CDCA7: variants seen among roughly 807,000 people sequenced by gnomAD.
CDCA7 encodes cell division cycle associated 7, also known as cell division cycle-associated protein 7.
A neutral mutation model predicts 54.0 loss-of-function variants in CDCA7; 28 were observed. The observed-to-expected ratio is 0.52, with a 90% confidence interval of 0.38 to 0.71. CDCA7 has a LOEUF of 0.71. Among genes scored for constraint, CDCA7 ranks in the 30% least tolerant of loss-of-function variants. CDCA7 has a pLI of 0.00. For missense variants in CDCA7, 484 were observed against 586.0 expected, an observed-to-expected ratio of 0.83 and a Z score of 1.80; for synonymous variants, 180 against 208.2, an observed-to-expected ratio of 0.86 and a Z score of 1.16.
In CDCA7 at chr2:173,364,875, C is replaced by T. The variant is rs762550271; in HGVS notation, c.780C>T (p.Thr260=). 2 of 1,610,668 alleles carry T rather than the reference C, an allele frequency of 1.2e-6. No individual in the cohort carries two copies. The highest frequency in any genetic ancestry group is 1.3e-5 in the African/African-American group (1 of 74,684). ...RNPERRARPL[T]RSRSRILGSL... ...CTGAACGGAGAGCTCGTCCTCTTACCAGGTCAAGGTCCCGGATCCTCGGGT... is the reference window on the plus strand; with the variant it reads ...CTGAACGGAGAGCTCGTCCTCTTACTAGGTCAAGGTCCCGGATCCTCGGGT... Residue 260 remains threonine (T), a synonymous_variant, in exon 6 of 10, where the codon ACC becomes ACT. Transcript: ENST00000306721.
intron 9 of CDCA7, 118 bp from the exon 10 acceptor site, chr2:173,367,516 C>G: frequency 1.5e-6 from 2 of 1,374,148 alleles, no homozygotes; most frequent in East Asian, 2.3e-5. Context: ...GATGCGCACA[C>G]TTGACCATAG....
chr2:173,366,549 T>TG lies in CDCA7; in HGVS notation c.1185+117_1185+118insG. The TG allele has an allele frequency of 8.4e-7, 1 of 1,197,280 alleles. No homozygotes were observed. Among genetic ancestry groups the TG allele is most frequent in the Non-Finnish European group, 1.1e-6 (1 of 878,924 alleles). 74.2% of individuals were successfully genotyped at this position (1,197,280 alleles called of 1,614,324 possible). On this transcript the variant is annotated intron_variant, in intron 8 of 9. Coordinates refer to ENST00000306721, the MANE Select transcript of CDCA7 (RefSeq NM_031942.5). This position sits in a 1 kb window ranked among gnomAD's most constrained non-coding sequence, Gnocchi z 4.5. The stretch of plus-strand genomic sequence containing the variant: ...CCCTTTCTGTTATGGGGTGCTCTTC[T>TG]TTTTTTTTAAGATGGAGTCTCATTC...
Position 173,367,831 on chromosome 2 carries a change from G to A in CDCA7, c.*167G>A. 1.3e-6 allele frequency: 1 copy of A among 746,842 alleles called. No individual in the cohort carries two copies. The allele number at this position is 746,842 out of a possible 1,614,324, so 46.3% of individuals were successfully genotyped here. A position where few individuals can be genotyped will look rare whatever the true frequency, so the allele number is the denominator to read the frequency against. ...CATGTGTTTCTGGAGCATCACAGAA[G>A]GTATATTGCTAGTTACACTTTGCCC... On this transcript the variant is annotated 3_prime_UTR_variant, in exon 10 of 10. Transcript: ENST00000306721.
Position 173,359,394 on chromosome 2 carries a change from G to A in CDCA7, c.287G>A (p.Arg96Lys), listed in dbSNP as rs1368935866. ...LDHCGFLQKP[R>K]PDVTNELAGI... ...CATTGTGGATTTTTACAGAAACCAA[G>A]GCCAGATGTCACTAACGAACTGGCC... The change falls in exon 3 of 10, where the codon AGG becomes AAG. Residue 96 changes from arginine to lysine, a missense_variant. Arg to Lys is a conservative substitution (Grantham distance 26). Around this residue, in one of 3 missense-constraint regions of CDCA7, gnomAD observed 398 missense variants for 447.4 expected, o/e 0.89. Transcript: ENST00000306721. 3 of 1,614,042 alleles carry A rather than the reference G, an allele frequency of 1.9e-6. No individual in the cohort carries two copies. The highest frequency in any genetic ancestry group is 2.5e-6 in the Non-Finnish European group (3 of 1,180,054).
At chr2:173,356,952 ACTTT>A (rs1392074180) in intron 1 of CDCA7, among the ~76,000 whole-genome samples, 5 of 152,222 alleles carry the variant, frequency 3.3e-5, no homozygotes, top group African/African-American at 1.2e-4. Context: ...CATGAAAATA[ACTTT>A]ATCTGCAAGA....
chr2:173,366,276 T>C lies in CDCA7; in HGVS notation c.1036-7T>C, dbSNP rs1482754419. The C allele has an allele frequency of 1.9e-6, 3 of 1,595,056 alleles. No individual in the cohort carries two copies. Among genetic ancestry groups the C allele is most frequent in the Non-Finnish European group, 1.7e-6 (2 of 1,172,760 alleles). The stretch of plus-strand genomic sequence containing the variant: ...TTTTGTTTTTTTTCTTAATGGCTTA[T>C]TTGTAGGGCTCTACTTGTCATCAAT... On this transcript the variant is annotated splice_polypyrimidine_tract_variant and splice_region_variant and intron_variant, in intron 7 of 9. Transcript: ENST00000306721. The surrounding 1 kb of genome is among the most constrained non-coding windows in gnomAD (Gnocchi z 4.5).
intron 3 of CDCA7, among the ~76,000 whole-genome samples, chr2:173,362,578 C>CT (rs11437572): frequency 0.83 from 118,114 of 143,042 alleles, 48,770 homozygotes; most frequent in East Asian, 0.97. Context: ...ATTTTTTTCC[C>CT]TTTTTTTTTT....
At position 173,359,472 on chromosome 2, in the gene CDCA7, G is replaced by A. The variant is rs757725826; in HGVS notation, c.365G>A (p.Ser122Asn). The A allele has an allele frequency of 3.7e-6, 6 of 1,613,910 alleles. No homozygotes were observed. In the South Asian group the frequency reaches 6.6e-5, roughly 18 times the overall value. ...DDESFCGFSE[S>N]EIQDGMRLQS... ...GAATCATTTTGCGGTTTCTCAGAGAGTGAGATACAAGATGGAATGGTGAGT... is the reference window on the plus strand; with the variant it reads ...GAATCATTTTGCGGTTTCTCAGAGAATGAGATACAAGATGGAATGGTGAGT... The change falls in exon 3 of 10, where the codon AGT (serine) becomes AAT (asparagine). Residue 122 changes from serine (S) to asparagine (N), a missense_variant. By Grantham distance (46) the Ser-to-Asn change is conservative (BLOSUM62 1). Around this residue, in one of 3 missense-constraint regions of CDCA7, gnomAD observed 398 missense variants for 447.4 expected, o/e 0.89. Coordinates refer to ENST00000306721, the MANE Select transcript of CDCA7 (RefSeq NM_031942.5).
rs926028583 is a variant in CDCA7, at chr2:173,368,567, A to C, written c.*903A>C. On this transcript the variant is annotated 3_prime_UTR_variant, in exon 10 of 10. Coordinates refer to ENST00000306721, the MANE Select transcript of CDCA7 (RefSeq NM_031942.5). ...CTTGTAAATTTATAAACCAGGCACA[A>C]GGTTCAAGTTTAGATTTTAAGCACT... is the stretch of plus-strand genomic sequence containing the variant. 2.0e-5 allele frequency: 3 copies of C among 152,236 alleles called. No individual in the cohort carries two copies. The highest frequency in any genetic ancestry group is 4.4e-5 in the Non-Finnish European group (3 of 68,038). 9.4% of individuals were successfully genotyped at this position (152,236 alleles called of 1,614,324 possible).
At chr2:173,361,382 C>T (rs924973077) in intron 3 of CDCA7, among the ~76,000 whole-genome samples, 1 of 152,012 alleles carries the variant, frequency 6.6e-6, no homozygotes, top group African/African-American at 2.4e-5. Flanking sequence ...AGTTTACATT[C>T]CTACCAGCAG....
chr2:173,355,659 C>G (rs1413858940), intron 1 of CDCA7, among the ~76,000 whole-genome samples: 1 of 145,994 alleles, frequency 6.8e-6, no homozygotes, highest in Non-Finnish European at 1.5e-5. Flanking sequence ...TTCCTCCACC[C>G]CAACCCCCAA....
chr2:173,363,751 A>T, intron 4 of CDCA7, 67 bp from the exon 5 acceptor site: 5 of 1,450,776 alleles, frequency 3.4e-6, no homozygotes, highest in Non-Finnish European at 3.9e-6. Flanking sequence ...ATTTTCCAGA[A>T]GTTAGTTGCT....
chr2:173,360,997 C>T (rs904594286), intron 3 of CDCA7, among the ~76,000 whole-genome samples: 7 of 152,150 alleles, frequency 4.6e-5, no homozygotes, highest in African/African-American at 1.7e-4. Flanking sequence ...AGTCTGCTTT[C>T]TGTCGTCATA....
Position 173,363,368 on chromosome 2 carries a change from A to G in CDCA7, c.527A>G (p.Asn176Ser), listed in dbSNP as rs749132688. 2.5e-6 allele frequency: 4 copies of G among 1,614,200 alleles called. No individual in the cohort carries two copies. Among genetic ancestry groups the G allele is most frequent in the Non-Finnish European group, 3.4e-6 (4 of 1,180,034 alleles). The change falls in exon 4 of 10, where the codon AAT becomes AGT. Residue 176 changes from asparagine to serine, a missense_variant. Asn to Ser is a conservative substitution (Grantham distance 46). This residue lies in a region of CDCA7 where 398 missense variants were observed against 447.4 expected (regional missense o/e 0.89). Transcript: ENST00000306721. ...KKAESRQPSE[N>S]SVTDSNSDSE... is the part of the protein sequence containing the mutation. ...GCAGAGTCCCGCCAGCCCTCAGAGAATTCTGTGACTGATTCCAACTCCGAT... is the reference window on the plus strand; with the variant it reads ...GCAGAGTCCCGCCAGCCCTCAGAGAGTTCTGTGACTGATTCCAACTCCGAT...
chr2:173,363,537 CA>C, intron 4 of CDCA7, 75 bp downstream of exon 4: 1 of 1,390,958 alleles, frequency 7.2e-7, no homozygotes, highest in Non-Finnish European at 1.0e-6. Context: ...TTCCATCACG[CA>C]AAAGTTATTT....
chr2:173,364,505 A>T (rs1323673734), intron 5 of CDCA7: 2 of 232,108 alleles, frequency 8.6e-6, no homozygotes, highest in Non-Finnish European at 1.6e-5. Context: ...CATCAGAGAA[A>T]ATTTTTTTTT....
intron 5 of CDCA7, chr2:173,364,105 C>T (rs1473037381): frequency 3.0e-5 from 14 of 459,412 alleles, no homozygotes; most frequent in Non-Finnish European, 4.9e-5. Context: ...TGGCACTAAA[C>T]TCCTTTTGAT....
chr2:173,361,025 T>C (rs768797610), intron 3 of CDCA7, among the ~76,000 whole-genome samples: 4 of 152,202 alleles, frequency 2.6e-5, no homozygotes, highest in Admixed American at 6.5e-5. Flanking sequence ...CCGTTGTGGA[T>C]ATTTCATAAA....
rs781132856 is a variant in CDCA7, at chr2:173,366,370, T to G, written c.1123T>G (p.Phe375Val). 1 of 1,614,118 alleles carries G rather than the reference T, an allele frequency of 6.2e-7. No homozygotes were observed. Among genetic ancestry groups the G allele is most frequent in the Non-Finnish European group, 8.5e-7 (1 of 1,180,030 alleles). The change falls in exon 8 of 10, where the codon TTC becomes GTC. Residue 375 changes from phenylalanine (F) to valine (V), a missense_variant. By Grantham distance (50) the Phe-to-Val change is conservative. Coordinates refer to ENST00000306721, the MANE Select transcript of CDCA7 (RefSeq NM_031942.5). This position sits in a 1 kb window ranked among gnomAD's most constrained non-coding sequence, Gnocchi z 4.5. ...AGACTGCTGGGGCGTTCGAGGCCAG[T>G]TCTGTGGCCCCTGCCTTCGAAACCG... ...NPDCWGVRGQ[F>V]CGPCLRNRYG...
Sources: allele counts gnomAD v4.1 joint callset (sites outside exome capture counted in the v4.1 genomes callset), GRCh38; gene constraint gnomAD v4.1.1; regional missense constraint gnomAD v4.1.1; non-coding constraint Gnocchi (gnomAD v3.1); transcripts MANE v1.5; gene names NCBI Gene and HGNC (gene_info 2026-07-23, HGNC 2026-07-21).